Variants in DYNC1H1 observed in about 807,000 individuals in gnomAD.
DYNC1H1 encodes dynein cytoplasmic 1 heavy chain 1, also known as cytoplasmic dynein 1 heavy chain 1.
A neutral mutation model predicts 527.1 loss-of-function variants in DYNC1H1; 51 were observed. That is an observed-to-expected ratio of 0.10 (90% confidence interval 0.08 to 0.12). DYNC1H1 has a LOEUF of 0.12. Among genes scored for constraint, DYNC1H1 ranks in the 10% least tolerant of loss-of-function variants. The probability of loss-of-function intolerance (pLI) is 1.00; values close to 1 mark genes in which losing one functional copy is unlikely to be tolerated. For missense variants in DYNC1H1, 2,771 were observed against 5,971.8 expected (o/e 0.46, Z 17.66); for synonymous variants, 2,189 against 2,278.8 (o/e 0.96, Z 1.12).
intron 16 of DYNC1H1, among the ~76,000 whole-genome samples, chr14:101,999,284 T>C (rs1012641790): frequency 6.6e-6 from 1 of 152,148 alleles, no homozygotes. Context: ...TCAAGCGTTG[T>C]AGCTGGGACT....
At chr14:102,003,859 G>A (rs571250870) in intron 23 of DYNC1H1, among the ~76,000 whole-genome samples, 2 of 152,178 alleles carry the variant, frequency 1.3e-5, no homozygotes, top group South Asian at 4.1e-4. Flanking sequence ...CCGGGAGGCG[G>A]AGGTTGCAGT....
At position 102,020,167 on chromosome 14, in the gene DYNC1H1, G is replaced by A; in HGVS notation, c.8507+111G>A. 3 of 1,436,154 alleles carry A rather than the reference G, an allele frequency of 2.1e-6. No homozygotes were observed. Among genetic ancestry groups the A allele is most frequent in the Non-Finnish European group, 2.9e-6 (3 of 1,049,700 alleles). The allele number at this position is 1,436,154 out of a possible 1,614,324, so 89.0% of individuals were successfully genotyped here. ...GGTCTGCCTAAGTTAGAGCCAGGTG[G>A]TGCCAGTGGTGGAAGGAGCAGAGTC... On this transcript the variant is annotated intron_variant, in intron 42 of 77. Coordinates refer to ENST00000360184, the MANE Select transcript of DYNC1H1 (RefSeq NM_001376.5). This position sits in a 1 kb window ranked among gnomAD's most constrained non-coding sequence, Gnocchi z 4.3.
At chr14:101,999,813 C>T (rs192068586) in intron 16 of DYNC1H1, among the ~76,000 whole-genome samples, 176 bp from the exon 17 acceptor site, 2 of 152,206 alleles carry the variant, frequency 1.3e-5, no homozygotes, top group African/African-American at 2.4e-5. Flanking sequence ...AAATTAAATT[C>T]GCTACTGTAC....
In DYNC1H1 at chr14:102,007,317, T is replaced by C. The variant is rs949776603; in HGVS notation, c.5817+209T>C. ...CATTGAAGTTGACTTCAGTTTCATG[T>C]TTTCAAAGTTAGATCTTTAGTGTAA... On this transcript the variant is annotated intron_variant, in intron 28 of 77. Coordinates refer to ENST00000360184, the MANE Select transcript of DYNC1H1 (RefSeq NM_001376.5). Among the ~76,000 whole-genome samples the C allele has an allele frequency of 2.6e-5, 4 of 152,338 alleles. No individual in the cohort carries two copies. The South Asian group carries it at 8.3e-4, about 32-fold the overall frequency.
Position 102,038,397 on chromosome 14 carries a change from G to A in DYNC1H1, c.10909-63G>A, listed in dbSNP as rs2048602769. 2 of 1,604,656 alleles carry A rather than the reference G, an allele frequency of 1.2e-6. No individual in the cohort carries two copies. Among genetic ancestry groups the A allele is most frequent in the Non-Finnish European group, 1.7e-6 (2 of 1,178,234 alleles). ...TTATCCAGAGTAGGACAGCAACATAGCATTTGGGTGAAGATAAAGTTACAA... is the reference window on the plus strand; with the variant it reads ...TTATCCAGAGTAGGACAGCAACATAACATTTGGGTGAAGATAAAGTTACAA... On this transcript the variant is annotated intron_variant, in intron 57 of 77. Coordinates refer to ENST00000360184, the MANE Select transcript of DYNC1H1 (RefSeq NM_001376.5). The surrounding 1 kb of genome is among the most constrained non-coding windows in gnomAD (Gnocchi z 7.2).
At chr14:102,006,524 C>T (rs925398358) in intron 27 of DYNC1H1, among the ~76,000 whole-genome samples, 23 of 151,440 alleles carry the variant, frequency 1.5e-4, no homozygotes, top group African/African-American at 5.1e-4. Context: ...TGAGTCACCA[C>T]GCCCGGCCTG....
chr14:102,033,200 G>C lies in DYNC1H1; in HGVS notation c.10197+18G>C. ...TTGCACAGGTGATTAACACAGCCAG[G>C]AGCTCCCGTGTGAAAGGTGACCTCT... On this transcript the variant is annotated intron_variant, in intron 53 of 77. Transcript: ENST00000360184. This position sits in a 1 kb window ranked among gnomAD's most constrained non-coding sequence, Gnocchi z 5.6. The C allele has an allele frequency of 6.2e-7, 1 of 1,614,202 alleles. No homozygotes were observed. Among genetic ancestry groups the C allele is most frequent in the Middle Eastern group, 1.6e-4 (1 of 6,062 alleles).
rs10147077 is a variant in DYNC1H1, at chr14:102,031,241, T to C, written c.9883+959T>C. Among the ~76,000 whole-genome samples, 914 of 152,292 alleles carry C rather than the reference T, an allele frequency of 6.0e-3. 11 individuals are homozygous for C. Among genetic ancestry groups the C allele is most frequent in the African/African-American group, 0.021 (869 of 41,566 alleles). ...GAAGTCATTGGCCATTGTTTTTGTT[T>C]TGCTTTGTTTGAGACAGGGTCTCAC... On this transcript the variant is annotated intron_variant, in intron 51 of 77. Coordinates refer to ENST00000360184, the MANE Select transcript of DYNC1H1 (RefSeq NM_001376.5).
At position 102,005,337 on chromosome 14, in the gene DYNC1H1, C is replaced by A; in HGVS notation, c.5433+101C>A. 1 of 1,481,748 alleles carries A rather than the reference C, an allele frequency of 6.7e-7. No individual in the cohort carries two copies. Among genetic ancestry groups the A allele is most frequent in the Non-Finnish European group, 9.4e-7 (1 of 1,069,486 alleles). The allele number at this position is 1,481,748 out of a possible 1,614,324, so 91.8% of individuals were successfully genotyped here. On this transcript the variant is annotated intron_variant, in intron 26 of 77. Coordinates refer to ENST00000360184, the MANE Select transcript of DYNC1H1 (RefSeq NM_001376.5). This position sits in a 1 kb window ranked among gnomAD's most constrained non-coding sequence, Gnocchi z 4.0. Reference sequence around the variant, plus strand: ...GCTTGAAAAAGGTTTCAGGTAGTATCAAGGAGAACAGTGGATGGTGTATGG... The same window carrying A: ...GCTTGAAAAAGGTTTCAGGTAGTATAAAGGAGAACAGTGGATGGTGTATGG...
rs1470925102 is a variant in DYNC1H1, at chr14:101,973,452, G to A, written c.257-2260G>A. ...TGAGATTACAGGCATGAGCCACCGC[G>A]CCTGGCCAGATAGACTAATATTTTA... On this transcript the variant is annotated intron_variant, in intron 1 of 77. Transcript: ENST00000360184. Among the ~76,000 whole-genome samples, 5 of 152,116 alleles carry A rather than the reference G, an allele frequency of 3.3e-5. No homozygotes were observed. The South Asian group carries it at 8.3e-4, about 25-fold the overall frequency.
Position 101,987,446 on chromosome 14 carries a change from C to T in DYNC1H1, c.2539-7C>T, listed in dbSNP as rs960086644. ...GTGTTTTAAATATTAAATATTTCTT[C>T]CTTCAGGTGGATGATCTGCTGATCA... On this transcript the variant is annotated splice_region_variant and splice_polypyrimidine_tract_variant and intron_variant, in intron 8 of 77. Coordinates refer to ENST00000360184, the MANE Select transcript of DYNC1H1 (RefSeq NM_001376.5). The T allele has an allele frequency of 4.3e-6, 7 of 1,613,490 alleles. No homozygotes were observed. The East Asian group carries it at 6.7e-5, about 15-fold the overall frequency.
At chr14:101,999,902 G>T (rs2048110441) in intron 16 of DYNC1H1, 87 bp from the exon 17 acceptor site, 1 of 1,592,602 alleles carries the variant, frequency 6.3e-7, no homozygotes, top group African/African-American at 1.3e-5. Flanking sequence ...CAGAAGCCCT[G>T]CAGGCTCTGT....
At position 102,049,978 on chromosome 14, in the gene DYNC1H1, T is replaced by C. The variant is rs1252613236; in HGVS notation, c.13685-93T>C. 6.2e-7 allele frequency: 1 copy of C among 1,613,920 alleles called. No individual in the cohort carries two copies. Among genetic ancestry groups the C allele is most frequent in the Admixed American group, 1.7e-5 (1 of 59,996 alleles). On this transcript the variant is annotated intron_variant, in intron 76 of 77. Coordinates refer to ENST00000360184, the MANE Select transcript of DYNC1H1 (RefSeq NM_001376.5). The surrounding 1 kb of genome is among the most constrained non-coding windows in gnomAD (Gnocchi z 5.5). ...GATACATGCACTTAGGGTGACCGGC[T>C]GGCAGTTGGGTGGAGCCTCTGGGCG...
In DYNC1H1 at chr14:102,036,828, G is replaced by T; in HGVS notation, c.10908+186G>T. 1.3e-6 allele frequency: 1 copy of T among 785,124 alleles called. No homozygotes were observed. The highest frequency in any genetic ancestry group is 2.0e-6 in the Non-Finnish European group (1 of 502,736). 48.6% of individuals were successfully genotyped at this position (785,124 alleles called of 1,614,324 possible). A position where few individuals can be genotyped will look rare whatever the true frequency, so the allele number is the denominator to read the frequency against. ...GCATTTAAAATTCTATTCAGTGGTC[G>T]GGCGAGGTGGCTCACACCTGTAATC... On this transcript the variant is annotated intron_variant, in intron 57 of 77. Coordinates refer to ENST00000360184, the MANE Select transcript of DYNC1H1 (RefSeq NM_001376.5). The surrounding 1 kb of genome is among the most constrained non-coding windows in gnomAD (Gnocchi z 5.6).
At position 102,000,163 on chromosome 14, in the gene DYNC1H1, T is replaced by G. The variant is rs1355897758; in HGVS notation, c.3960+19T>G. On this transcript the variant is annotated intron_variant, in intron 17 of 77. Coordinates refer to ENST00000360184, the MANE Select transcript of DYNC1H1 (RefSeq NM_001376.5). Reference sequence around the variant, plus strand: ...CGTGCAGGTATGAACCACTGGGGAGTGGGTGGAGAATCCCGCTCCCCACCC... The same window carrying G: ...CGTGCAGGTATGAACCACTGGGGAGGGGGTGGAGAATCCCGCTCCCCACCC... 6.2e-7 allele frequency: 1 copy of G among 1,613,990 alleles called. No homozygotes were observed.
Position 102,038,230 on chromosome 14 carries a change from C to CA in DYNC1H1, c.10909-229dup. The CA allele has an allele frequency of 1.6e-6, 1 of 610,244 alleles. No individual in the cohort carries two copies. The highest frequency in any genetic ancestry group is 2.9e-6 in the Non-Finnish European group (1 of 348,722). The allele number at this position is 610,244 out of a possible 1,614,324, so 37.8% of individuals were successfully genotyped here. Reference sequence around the variant, plus strand: ...CTGACCTCAAGTGATCTGCCTGCCTCAGCCTCCCAAAGTGCTGGAATTACA... The same window carrying CA: ...CTGACCTCAAGTGATCTGCCTGCCTCAAGCCTCCCAAAGTGCTGGAATTACA... On this transcript the variant is annotated intron_variant, in intron 57 of 77. Transcript: ENST00000360184. The surrounding 1 kb of genome is among the most constrained non-coding windows in gnomAD (Gnocchi z 7.2).
rs377214422 is a variant in DYNC1H1 at position 101,988,622 on chromosome 14, C to T, written c.2719-81C>T. 5.1e-6 allele frequency: 8 copies of T among 1,582,176 alleles called. No individual in the cohort carries two copies. The East Asian group carries it at 9.0e-5, about 18-fold the overall frequency. On this transcript the variant is annotated intron_variant, in intron 9 of 77. Transcript: ENST00000360184. ...GGAACTGTGTATCTTTTATCTGAAA[C>T]ACCTACCACTTTCTGATTGACTTGC... is the stretch of plus-strand genomic sequence containing the variant.
chr14:101,997,672 T>C lies in DYNC1H1; in HGVS notation c.3804+398T>C, dbSNP rs1265065264. On this transcript the variant is annotated intron_variant, in intron 16 of 77. Coordinates refer to ENST00000360184, the MANE Select transcript of DYNC1H1 (RefSeq NM_001376.5). The surrounding 1 kb of genome is among the most constrained non-coding windows in gnomAD (Gnocchi z 4.8). ...GCCAGTGGATTGTGGGGAGGCAGGT[T>C]CTGTTGTCTTCGTCATTGTAGCCAT... is the stretch of plus-strand genomic sequence containing the variant. Among the ~76,000 whole-genome samples, 1 of 152,184 alleles carries C rather than the reference T, an allele frequency of 6.6e-6. No individual in the cohort carries two copies. The highest frequency in any genetic ancestry group is 1.5e-5 in the Non-Finnish European group (1 of 68,026).
intron 7 of DYNC1H1, among the ~76,000 whole-genome samples, chr14:101,984,775 A>T (rs373550542): frequency 7.9e-5 from 12 of 151,146 alleles, no homozygotes; most frequent in African/African-American, 2.4e-4. Context: ...TACTGAAAAT[A>T]CAAAAAAATT....
Sources: allele counts gnomAD v4.1 joint callset (sites outside exome capture counted in the v4.1 genomes callset), GRCh38; gene constraint gnomAD v4.1.1; non-coding constraint Gnocchi (gnomAD v3.1); transcripts MANE v1.5; gene names NCBI Gene and HGNC (gene_info 2026-07-23, HGNC 2026-07-21).